Variants in CCSER1 observed in about 807,000 individuals in gnomAD.
CCSER1 encodes the protein serine-rich coiled-coil domain-containing protein 1.
CCSER1 carries 41 observed loss-of-function variants against 82.0 expected under a neutral mutation model. The ratio of observed to expected loss-of-function variants is 0.50; its 90% CI spans 0.39 to 0.65. The LOEUF (loss-of-function observed/expected upper bound fraction) is 0.65. CCSER1 is among the 30% of genes least tolerant of loss of function. The pLI, the probability that CCSER1 is intolerant of heterozygous loss-of-function variation, is 0.00. For missense variants in CCSER1, 1,119 were observed against 1,064.2 expected (o/e 1.05, Z -0.72); for synonymous variants, 414 against 383.9 (o/e 1.08, Z -0.92).
chr4:91,156,404 A>G (rs1581666654), intron 10 of CCSER1, among the ~76,000 whole-genome samples: 1 of 151,518 alleles, frequency 6.6e-6, no homozygotes, highest in Admixed American at 6.6e-5. Context: ...AAATTTTACA[A>G]CTGTTCTGAT....
intron 8 of CCSER1, among the ~76,000 whole-genome samples, chr4:90,899,181 A>G (rs1028180654): frequency 1.3e-5 from 2 of 151,982 alleles, no homozygotes; most frequent in African/African-American, 4.8e-5. Flanking sequence ...AATGAAATAT[A>G]TTTTTAGGTA....
At chr4:90,604,938 G>A (rs1485141649) in intron 5 of CCSER1, among the ~76,000 whole-genome samples, 1 of 152,198 alleles carries the variant, frequency 6.6e-6, no homozygotes, top group Non-Finnish European at 1.5e-5. Context: ...GCAGGATGTG[G>A]ATGGGGTCAG....
intron 10 of CCSER1, among the ~76,000 whole-genome samples, chr4:91,087,491 G>A (rs1490038938): frequency 4.0e-5 from 6 of 151,800 alleles, no homozygotes; most frequent in South Asian, 2.1e-4. Flanking sequence ...TATTATAAGT[G>A]TACTTATAAG....
chr4:90,315,971 A>G (rs1005011972), intron 3 of CCSER1, among the ~76,000 whole-genome samples: 4 of 152,254 alleles, frequency 2.6e-5, no homozygotes, highest in East Asian at 1.9e-4. Flanking sequence ...CACATTTTCT[A>G]TATTCCTCTT....
intron 1 of CCSER1, among the ~76,000 whole-genome samples, chr4:90,152,131 C>T (rs528929587): frequency 1.3e-5 from 2 of 152,238 alleles, no homozygotes; most frequent in African/African-American, 4.8e-5. Context: ...GCTTGTGTCA[C>T]TAAAAGGGTG....
chr4:90,916,467 A>C (rs1199484700), intron 8 of CCSER1, among the ~76,000 whole-genome samples: 8 of 152,116 alleles, frequency 5.3e-5, no homozygotes. Context: ...CCATATGGAG[A>C]AAGCTGAAAC....
intron 10 of CCSER1, among the ~76,000 whole-genome samples, chr4:91,544,514 T>C (rs1761779284): frequency 6.6e-6 from 1 of 152,182 alleles, no homozygotes; most frequent in Non-Finnish European, 1.5e-5. Context: ...TTCTGTTTGT[T>C]AGTTTTCCTT....
At chr4:91,591,414 A>G (rs1764265980) in intron 10 of CCSER1, among the ~76,000 whole-genome samples, 1 of 152,018 alleles carries the variant, frequency 6.6e-6, no homozygotes, top group African/African-American at 2.4e-5. Flanking sequence ...TTAAATTAAT[A>G]TATGTATTAT....
At chr4:90,265,790 G>C (rs1330061709) in intron 1 of CCSER1, among the ~76,000 whole-genome samples, 1 of 152,058 alleles carries the variant, frequency 6.6e-6, no homozygotes, top group Non-Finnish European at 1.5e-5. Flanking sequence ...GGTCATAATT[G>C]TATTTCATTT....
intron 5 of CCSER1, among the ~76,000 whole-genome samples, chr4:90,516,142 A>C (rs1350346496): frequency 6.6e-6 from 1 of 152,130 alleles, no homozygotes; most frequent in Non-Finnish European, 1.5e-5. Context: ...TTTTTGAGGA[A>C]TTGGTATTTA....
chr4:90,699,162 G>A (rs1263391305), intron 6 of CCSER1, among the ~76,000 whole-genome samples: 8 of 152,054 alleles, frequency 5.3e-5, no homozygotes, highest in African/African-American at 1.9e-4. Flanking sequence ...AGACTTCAAT[G>A]CAAAAGTGTG....
chr4:90,928,984 CTG>C (rs1383269695), intron 9 of CCSER1, among the ~76,000 whole-genome samples: 1 of 152,126 alleles, frequency 6.6e-6, no homozygotes, highest in Non-Finnish European at 1.5e-5. Flanking sequence ...AGCATAAGCA[CTG>C]AGAAGAAATC....
Position 90,535,805 on chromosome 4 carries a change from C to A in CCSER1, c.1724+67451C>A, listed in dbSNP as rs146981701. 2.0e-5 allele frequency among the ~76,000 whole-genome samples: 3 copies of A among 151,954 alleles called. No individual in the cohort carries two copies. The East Asian group carries it at 5.8e-4, about 29-fold the overall frequency. On this transcript the variant is annotated intron_variant, in intron 5 of 10. Transcript: ENST00000509176. ...GGCAGCACACATTAAAAAAATAAATCAATGGGAATGATACTTTGCATAACT... is the reference window on the plus strand; with the variant it reads ...GGCAGCACACATTAAAAAAATAAATAAATGGGAATGATACTTTGCATAACT...
At chr4:90,510,581 T>G (rs979112072) in intron 5 of CCSER1, among the ~76,000 whole-genome samples, 1 of 152,238 alleles carries the variant, frequency 6.6e-6, no homozygotes, top group African/African-American at 2.4e-5. Flanking sequence ...CATGACACTA[T>G]TGCAATCAAA....
chr4:90,186,707 T>C (rs1210574223), intron 1 of CCSER1, among the ~76,000 whole-genome samples: 1 of 151,982 alleles, frequency 6.6e-6, no homozygotes, highest in East Asian at 1.9e-4. Context: ...CTAATTTGTC[T>C]TTAGGTTAGA....
chr4:91,043,295 C>T (rs892101242), intron 9 of CCSER1, among the ~76,000 whole-genome samples: 40 of 151,722 alleles, frequency 2.6e-4, no homozygotes, highest in African/African-American at 8.9e-4. Flanking sequence ...ATAAAACTCC[C>T]CAAATTATTC....
intron 9 of CCSER1, among the ~76,000 whole-genome samples, chr4:90,964,513 C>G (rs1052081211): frequency 6.6e-6 from 1 of 151,292 alleles, no homozygotes; most frequent in Non-Finnish European, 1.5e-5. Flanking sequence ...ATCACGAGGT[C>G]AGGAGATCGG....
intron 5 of CCSER1, among the ~76,000 whole-genome samples, chr4:90,493,911 A>G (rs1433754397): frequency 3.9e-5 from 6 of 152,172 alleles, no homozygotes; most frequent in Non-Finnish European, 8.8e-5. Context: ...ATTCACACAT[A>G]ACAATAAATT....
chr4:90,191,049 T>G (rs1348802210), intron 1 of CCSER1, among the ~76,000 whole-genome samples: 1 of 152,000 alleles, frequency 6.6e-6, no homozygotes, highest in Admixed American at 6.6e-5. Context: ...TTAAGGAACT[T>G]TACCTTGCCT....
Sources: allele counts gnomAD v4.1 joint callset (sites outside exome capture counted in the v4.1 genomes callset), GRCh38; gene constraint gnomAD v4.1.1; transcripts MANE v1.5; gene names NCBI Gene and HGNC (gene_info 2026-07-23, HGNC 2026-07-21).